DYNC1I1: variants seen among roughly 807,000 people sequenced by gnomAD.
DYNC1I1 encodes the protein dynein cytoplasmic 1 intermediate chain 1.
Under a neutral mutation model 86.6 loss-of-function variants are expected in DYNC1I1, and 43 were observed. The observed-to-expected ratio is 0.50, with a 90% CI of 0.39 to 0.64. The LOEUF is 0.64. Among genes scored for constraint, DYNC1I1 ranks in the 30% least tolerant of loss-of-function variants. The pLI, the probability that DYNC1I1 is intolerant of heterozygous loss-of-function variation, is 0.00. For synonymous variants in DYNC1I1, 262 were observed against 283.7 expected (o/e 0.92, Z 0.77); for missense variants, 604 against 788.8 (o/e 0.77, Z 2.81).
At position 96,076,203 on chromosome 7, in the gene DYNC1I1, C is replaced by T; in HGVS notation, c.1650+6C>T. On this transcript the variant is annotated splice_donor_region_variant and intron_variant, in intron 15 of 16. Transcript: ENST00000447467. ...ACCTCAACAATGACACCGAGGTGAG[C>T]GGCGGCTCAGGCGCCCGGGCCGGAG... The T allele has an allele frequency of 6.2e-7, 1 of 1,613,616 alleles. No homozygotes were observed.
rs1042442126 is a variant in DYNC1I1 at position 96,061,545 on chromosome 7, G to A, written c.1510-14512G>A. Among the ~76,000 whole-genome samples the A allele has an allele frequency of 3.9e-5, 6 of 152,032 alleles. No individual in the cohort carries two copies. In the South Asian group the frequency reaches 6.2e-4, roughly 16 times the overall value. On this transcript the variant is annotated intron_variant, in intron 14 of 16. Coordinates refer to ENST00000447467, the MANE Select transcript of DYNC1I1 (RefSeq NM_001135556.2). ...TTAGGAGGCTTACCTAGAGTTGGGC[G>A]GCAGTCATGCCAGGCAAGCAGGCCC...
At chr7:95,986,984 A>C (rs1161282227) in intron 8 of DYNC1I1, 72 bp from the exon 9 acceptor site, 1 of 1,368,706 alleles carries the variant, frequency 7.3e-7, no homozygotes, top group African/African-American at 1.4e-5. Context: ...GGCTTTTGCC[A>C]TATCAGTGCT....
intron 10 of DYNC1I1, among the ~76,000 whole-genome samples, chr7:96,026,286 C>A (rs570012426): frequency 6.6e-6 from 1 of 152,266 alleles, no homozygotes; most frequent in East Asian, 1.9e-4. Flanking sequence ...TATTCTCCCT[C>A]AGAGTATCTG....
rs68072567 is a variant in DYNC1I1 at position 96,105,039 on chromosome 7, A to AT, written c.1543-4931dup. 4.2e-3 allele frequency among the ~76,000 whole-genome samples: 636 copies of AT among 150,580 alleles called. 3 individuals carry two copies. The highest frequency in any genetic ancestry group is 0.014 in the African/African-American group (589 of 41,074). On this transcript the variant is annotated intron_variant, in intron 16 of 16. Coordinates refer to the DYNC1I1 transcript ENST00000537881. ...GAGTTCACCAATAGGTTGTGCAAAC[A>AT]TTTTTTTTTCAATTTATTCCTAGAT...
intron 12 of DYNC1I1, among the ~76,000 whole-genome samples, chr7:96,035,403 G>A (rs565439246): frequency 2.8e-4 from 42 of 152,300 alleles, no homozygotes; most frequent in African/African-American, 9.9e-4. Flanking sequence ...TTAAGAAGCA[G>A]CAGCACATGC....
intron 5 of DYNC1I1, among the ~76,000 whole-genome samples, chr7:95,844,747 C>T (rs1200083836): frequency 2.0e-5 from 3 of 151,920 alleles, no homozygotes; most frequent in African/African-American, 4.8e-5. Flanking sequence ...GTGGTGCCAT[C>T]AGATTGTCAG....
intron 11 of DYNC1I1, among the ~76,000 whole-genome samples, chr7:96,028,968 A>G (rs775050792): frequency 6.6e-6 from 1 of 152,186 alleles, no homozygotes; most frequent in Admixed American, 6.5e-5. Flanking sequence ...ATGAGAAGAC[A>G]GGCGTGTCTC....
At chr7:96,086,197 T>A (rs986617186) in intron 16 of DYNC1I1, among the ~76,000 whole-genome samples, 3 of 152,342 alleles carry the variant, frequency 2.0e-5, no homozygotes, top group Non-Finnish European at 2.9e-5. Flanking sequence ...GCAGCTGTCA[T>A]AAATATCCCC....
chr7:95,969,803 A>AT (rs1381821000), intron 6 of DYNC1I1, among the ~76,000 whole-genome samples: 1 of 152,070 alleles, frequency 6.6e-6, no homozygotes, highest in East Asian at 1.9e-4. Flanking sequence ...CTTAGGAGAG[A>AT]TCTGATGTGG....
chr7:95,936,954 T>TCACACACACA (rs1491214381), intron 6 of DYNC1I1, among the ~76,000 whole-genome samples: 45 of 32,572 alleles, frequency 1.4e-3, no homozygotes, highest in African/African-American at 3.1e-3. Context: ...AAAGAATATG[T>TCACACACACA]CTCACACACA....
intron 14 of DYNC1I1, among the ~76,000 whole-genome samples, chr7:96,046,483 A>G (rs901434244): frequency 1.3e-5 from 2 of 152,202 alleles, no homozygotes; most frequent in African/African-American, 2.4e-5. Flanking sequence ...CCCATTTTAT[A>G]TAAGAGGAAA....
intron 6 of DYNC1I1, among the ~76,000 whole-genome samples, chr7:95,888,829 T>G (rs1208963031): frequency 2.6e-5 from 4 of 152,238 alleles, no homozygotes; most frequent in Non-Finnish European, 1.5e-5. Context: ...GAAAAGCGTC[T>G]GTCTTCTCAA....
intron 7 of DYNC1I1, among the ~76,000 whole-genome samples, chr7:95,978,877 C>A (rs923136686): frequency 6.6e-5 from 10 of 152,038 alleles, no homozygotes; most frequent in African/African-American, 2.2e-4. Context: ...CTCACTGCAA[C>A]CTCTGCCTCC....
chr7:95,922,546 TG>T (rs1791638161), intron 6 of DYNC1I1, among the ~76,000 whole-genome samples: 1 of 152,152 alleles, frequency 6.6e-6, no homozygotes, highest in African/African-American at 2.4e-5. Flanking sequence ...ATTTCCATGC[TG>T]GGGGAGAAGG....
intron 14 of DYNC1I1, among the ~76,000 whole-genome samples, chr7:96,049,404 A>G (rs1486576901): frequency 3.3e-5 from 5 of 152,122 alleles, no homozygotes; most frequent in African/African-American, 9.7e-5. Flanking sequence ...TTTCCATCTT[A>G]CTGACAATGA....
chr7:95,810,332 G>A (rs540109367), intron 2 of DYNC1I1, 60 bp from the exon 3 acceptor site: 3 of 1,415,604 alleles, frequency 2.1e-6, no homozygotes, highest in East Asian at 2.4e-5. Flanking sequence ...TTTAGTTTCA[G>A]CCAGGAAAAG....
At chr7:95,853,186 C>G (rs182680651) in intron 5 of DYNC1I1, among the ~76,000 whole-genome samples, 1 of 152,122 alleles carries the variant, frequency 6.6e-6, no homozygotes, top group Non-Finnish European at 1.5e-5. Context: ...CTCCTAAACT[C>G]ATGTTGAAAT....
intron 14 of DYNC1I1, among the ~76,000 whole-genome samples, chr7:96,061,783 T>A (rs936745090): frequency 6.7e-5 from 10 of 149,086 alleles, no homozygotes; most frequent in South Asian, 2.1e-4. Flanking sequence ...AAAAATCACT[T>A]TGGAATTTAA....
chr7:95,834,747 G>T (rs1246357214), intron 5 of DYNC1I1, among the ~76,000 whole-genome samples: 2 of 96,848 alleles, frequency 2.1e-5, no homozygotes, highest in Non-Finnish European at 4.0e-5. Context: ...AGATTTTCTA[G>T]TTTATTTGCG....
Sources: allele counts gnomAD v4.1 joint callset (sites outside exome capture counted in the v4.1 genomes callset), GRCh38; gene constraint gnomAD v4.1.1; transcripts MANE v1.5; gene names NCBI Gene and HGNC (gene_info 2026-07-23, HGNC 2026-07-21).